Variants in RYR2 observed in about 807,000 individuals in gnomAD.
RYR2 encodes ryanodine receptor 2.
Under a neutral mutation model 601.1 loss-of-function variants are expected in RYR2, and 227 were observed. That is an observed-to-expected ratio of 0.38 (90% CI 0.34 to 0.42). The LOEUF (loss-of-function observed/expected upper bound fraction) is 0.42, where lower values mean the gene tolerates loss of function less well. Ranked by LOEUF, RYR2 falls within the 10% of genes least tolerant of loss-of-function variation. The pLI, the probability that RYR2 is intolerant of heterozygous loss-of-function variation, is 1.00. For synonymous variants in RYR2, 2,223 were observed against 2,175.1 expected, an observed-to-expected ratio of 1.02 and a Z score of -0.61; for missense variants, 4,646 against 6,156.5, an observed-to-expected ratio of 0.75 and a Z score of 8.21.
intron 2 of RYR2, among the ~76,000 whole-genome samples, chr1:237,314,948 A>G (rs1270786635): frequency 1.3e-5 from 2 of 152,192 alleles, no homozygotes; most frequent in Admixed American, 1.3e-4. Flanking sequence ...TTAATGATGG[A>G]TTATACTATT....
rs192222575 is a variant in RYR2, at chr1:237,137,895, T to G, written c.48+95326T>G. The stretch of plus-strand genomic sequence containing the variant: ...TTTAAATCATGACCTGAAATAGAAC[T>G]TTATGAGTATCACAGACTCTCAACA... On this transcript the variant is annotated intron_variant, in intron 1 of 104. Coordinates refer to ENST00000366574, the MANE Select transcript of RYR2 (RefSeq NM_001035.3). Among the ~76,000 whole-genome samples, 8 of 152,344 alleles carry G rather than the reference T, an allele frequency of 5.3e-5. No individual in the cohort carries two copies. The East Asian group carries it at 1.5e-3, about 29-fold the overall frequency.
At chr1:237,594,582 C>G (rs1164675537) in intron 33 of RYR2, among the ~76,000 whole-genome samples, 2 of 152,028 alleles carry the variant, frequency 1.3e-5, no homozygotes, top group Non-Finnish European at 2.9e-5. Flanking sequence ...GATGGGATAA[C>G]TGAAAGATGA....
intron 1 of RYR2, among the ~76,000 whole-genome samples, chr1:237,214,106 A>T (rs1682911127): frequency 6.6e-6 from 1 of 151,648 alleles, no homozygotes; most frequent in Non-Finnish European, 1.5e-5. Context: ...TTTTTAGTAG[A>T]GATGGGGTTT....
At chr1:237,491,660 C>T (rs1663355771) in intron 17 of RYR2, 146 bp from the exon 18 acceptor site, 1 of 552,300 alleles carries the variant, frequency 1.8e-6, no homozygotes, top group Non-Finnish European at 3.3e-6. Context: ...CCACCTGTCA[C>T]CTATCACAGT....
chr1:237,590,206 C>CTTTTTTTTTTT (rs11307093), intron 30 of RYR2, among the ~76,000 whole-genome samples: 2 of 147,608 alleles, frequency 1.4e-5, no homozygotes, highest in African/African-American at 2.5e-5. Context: ...GCTTTCAATT[C>CTTTTTTTTTTT]TTTTTTTTTT....
chr1:237,616,085 C>T (rs903163629), intron 37 of RYR2, among the ~76,000 whole-genome samples: 2 of 152,098 alleles, frequency 1.3e-5, no homozygotes, highest in Non-Finnish European at 2.9e-5. Flanking sequence ...GGCTTTCTTG[C>T]TGGTCCAAAC....
Position 237,677,949 on chromosome 1 carries a change from A to G in RYR2, c.8831-99A>G, listed in dbSNP as rs970588791. The G allele has an allele frequency of 3.4e-5, 26 of 769,606 alleles. No homozygotes were observed. In the African/African-American group the frequency reaches 3.6e-4, roughly 11 times the overall value. The allele number at this position is 769,606 out of a possible 1,614,324, so 47.7% of individuals were successfully genotyped here. A position where few individuals can be genotyped will look rare whatever the true frequency, so the allele number is the denominator to read the frequency against. Reference sequence around the variant, plus strand: ...GGCTTTTTACATTCAGTTTAGCGGGATAATACATTTAGCAATGCTTTCTAA... The same window carrying G: ...GGCTTTTTACATTCAGTTTAGCGGGGTAATACATTTAGCAATGCTTTCTAA... On this transcript the variant is annotated intron_variant, in intron 60 of 104. Coordinates refer to ENST00000366574, the MANE Select transcript of RYR2 (RefSeq NM_001035.3).
At chr1:237,101,871 A>G (rs1301665967) in intron 1 of RYR2, among the ~76,000 whole-genome samples, 1 of 152,182 alleles carries the variant, frequency 6.6e-6, no homozygotes, top group Non-Finnish European at 1.5e-5. Context: ...TCTTCCATCT[A>G]AGCAAGGTGG....
At chr1:237,532,617 A>G (rs1485464040) in intron 25 of RYR2, among the ~76,000 whole-genome samples, 1 of 152,144 alleles carries the variant, frequency 6.6e-6, no homozygotes, top group African/African-American at 2.4e-5. Context: ...CCAAAAAACA[A>G]CAACCTAGTA....
At chr1:237,708,393 G>A (rs1688556593) in intron 68 of RYR2, among the ~76,000 whole-genome samples, 1 of 152,058 alleles carries the variant, frequency 6.6e-6, no homozygotes, top group African/African-American at 2.4e-5. Context: ...TAACAACTAT[G>A]GTTATTATTA....
At chr1:237,137,175 G>C (rs1350856430) in intron 1 of RYR2, among the ~76,000 whole-genome samples, 1 of 152,058 alleles carries the variant, frequency 6.6e-6, no homozygotes, top group East Asian at 1.9e-4. Flanking sequence ...TATGTGTGTG[G>C]TCCTCATTGT....
chr1:237,581,551 C>T (rs1335649920), intron 29 of RYR2, among the ~76,000 whole-genome samples: 1 of 152,002 alleles, frequency 6.6e-6, no homozygotes, highest in African/African-American at 2.4e-5. Context: ...AAAAAAGAAG[C>T]CAGGATATAG....
chr1:237,714,261 A>G (rs1689075708), intron 71 of RYR2, among the ~76,000 whole-genome samples: 1 of 152,242 alleles, frequency 6.6e-6, no homozygotes, highest in Non-Finnish European at 1.5e-5. Context: ...AACAAATTTT[A>G]ATAGATATGA....
chr1:237,735,807 CAT>C (rs1347501673), intron 79 of RYR2, among the ~76,000 whole-genome samples: 1 of 152,166 alleles, frequency 6.6e-6, no homozygotes, highest in Non-Finnish European at 1.5e-5. Context: ...TCAACTCTAT[CAT>C]ATTGTTATGG....
intron 42 of RYR2, among the ~76,000 whole-genome samples, chr1:237,631,894 AAG>A (rs1680359013): frequency 6.6e-6 from 1 of 150,418 alleles, no homozygotes; most frequent in Non-Finnish European, 1.5e-5. Flanking sequence ...TCCCCTCCCG[AAG>A]TGCTGGGATT....
chr1:237,401,752 T>C (rs1385964345), intron 10 of RYR2, among the ~76,000 whole-genome samples: 2 of 152,204 alleles, frequency 1.3e-5, no homozygotes, highest in African/African-American at 4.8e-5. Flanking sequence ...TTCCTATCCC[T>C]AGATGTTGTG....
chr1:237,261,260 C>G (rs1688490194), intron 1 of RYR2, among the ~76,000 whole-genome samples: 1 of 152,168 alleles, frequency 6.6e-6, no homozygotes, highest in Non-Finnish European at 1.5e-5. Context: ...CAGTGACCCC[C>G]CTTGGGTAAC....
chr1:237,229,550 G>A (rs901187449), intron 1 of RYR2, among the ~76,000 whole-genome samples: 35 of 152,072 alleles, frequency 2.3e-4, no homozygotes, highest in African/African-American at 7.5e-4. Flanking sequence ...TTGGTGACCC[G>A]GAAGTGACCC....
chr1:237,808,258 A>G (rs550727786), intron 99 of RYR2, among the ~76,000 whole-genome samples: 71 of 152,332 alleles, frequency 4.7e-4, no homozygotes, highest in African/African-American at 1.7e-3. Flanking sequence ...GGCAATACAA[A>G]TTTCTATTTA....
Sources: gnomAD v4.1 joint callset for allele counts (sites outside exome capture counted in the v4.1 genomes callset) on GRCh38, gnomAD v4.1.1 for gene constraint, MANE v1.5 for transcripts, NCBI Gene and HGNC (gene_info 2026-07-23, HGNC 2026-07-21) for gene names.